The following ALPK1 variants were observed in gnomAD, a reference collection of about 807,000 sequenced individuals.
The protein encoded by ALPK1 is alpha kinase 1, also known as alpha-protein kinase 1.
A neutral mutation model predicts 120.6 loss-of-function variants in ALPK1; 110 were observed. That is an observed-to-expected ratio of 0.91 (90% confidence interval 0.78 to 1.07). The LOEUF is 1.07. Ranked by LOEUF, ALPK1 falls within the 50% of genes least tolerant of loss-of-function variation. The pLI, the probability that ALPK1 is intolerant of heterozygous loss-of-function variation, is 0.00. For missense variants in ALPK1, 1,498 were observed against 1,483.9 expected (o/e 1.01, Z -0.16); for synonymous variants, 582 against 560.3 (o/e 1.04, Z -0.55).
intron 4 of ALPK1, chr4:112,411,116 A>G (rs1464537704): frequency 1.3e-5 from 2 of 154,926 alleles, no homozygotes; most frequent in Non-Finnish European, 2.9e-5. Flanking sequence ...GCGTTCTGGA[A>G]GGAACGTCTC....
At chr4:112,322,835 A>G (rs1450657347) in intron 2 of ALPK1, among the ~76,000 whole-genome samples, 1 of 152,240 alleles carries the variant, frequency 6.6e-6, no homozygotes, top group Non-Finnish European at 1.5e-5. Flanking sequence ...TAAATAAAAT[A>G]GATAAGGTAA....
At chr4:112,434,094 G>A (rs938325542) in intron 11 of ALPK1, among the ~76,000 whole-genome samples, 1 of 152,158 alleles carries the variant, frequency 6.6e-6, no homozygotes, top group Admixed American at 6.5e-5. Flanking sequence ...GTGAGATTCT[G>A]CAATTTTGGA....
At chr4:112,410,616 A>T (rs1733411308) in intron 4 of ALPK1, among the ~76,000 whole-genome samples, 1 of 152,208 alleles carries the variant, frequency 6.6e-6, no homozygotes, top group Non-Finnish European at 1.5e-5. Flanking sequence ...AGCACTCAGC[A>T]TGATTTAGTT....
Position 112,431,685 on chromosome 4 carries a change from C to T in ALPK1, c.2138C>T (p.Ser713Phe), listed in dbSNP as rs1186089017. Residue 713 changes from serine to phenylalanine, a missense_variant, in exon 11 of 16, where the codon TCC (serine) becomes TTC (phenylalanine). Physicochemically the swap from Ser to Phe is radical, Grantham distance 155. Transcript: ENST00000650871. ...GGACCCAGAAATACTTCTGCTCACT[C>T]CAGACCCTCATATCGTTCTGCTTCT... ...NMGPRNTSAH[S>F]RPSYRSASWS... The T allele has an allele frequency of 6.2e-7, 1 of 1,614,222 alleles. No homozygotes were observed.
intron 4 of ALPK1, among the ~76,000 whole-genome samples, chr4:112,387,746 G>A (rs1444551063): frequency 6.6e-6 from 1 of 152,194 alleles, no homozygotes; most frequent in Non-Finnish European, 1.5e-5. Context: ...CCCTGTGGAT[G>A]AATAAAGTTT....
rs1018026539 is a variant in ALPK1, at chr4:112,411,678, T to C, written c.277-149T>C. 48 of 695,780 alleles carry C rather than the reference T, an allele frequency of 6.9e-5. No individual in the cohort carries two copies. The African/African-American group carries it at 8.1e-4, about 12-fold the overall frequency. The allele number at this position is 695,780 out of a possible 1,614,324, so 43.1% of individuals were successfully genotyped here. A position where few individuals can be genotyped will look rare whatever the true frequency, so the allele number is the denominator to read the frequency against. ...AATTGAACTGGACTTTTCTATTTTC[T>C]TTCTTTCGGTTCAGCTGCCTAACAA... is the stretch of plus-strand genomic sequence containing the variant. On this transcript the variant is annotated intron_variant, in intron 4 of 15. Coordinates refer to ENST00000650871, the MANE Select transcript of ALPK1 (RefSeq NM_025144.4).
rs1335523505 is a variant in ALPK1, at chr4:112,430,977, A to T, written c.1430A>T (p.Asn477Ile). 5 of 1,613,792 alleles carry T rather than the reference A, an allele frequency of 3.1e-6. No homozygotes were observed. Among genetic ancestry groups the T allele is most frequent in the Non-Finnish European group, 4.2e-6 (5 of 1,179,760 alleles). Residue 477 changes from asparagine to isoleucine, a missense_variant, in exon 11 of 16, where the codon AAC becomes ATC. Coordinates refer to ENST00000650871, the MANE Select transcript of ALPK1 (RefSeq NM_025144.4). ...CEVFESDCGN[N>I]KNEQKDAKTG... ...GTATTTGAAAGTGATTGTGGAAACA[A>T]CAAAAATGAACAGAAAGATGCAAAA...
In ALPK1 at chr4:112,359,551, C is replaced by T. The variant is rs573645155; in HGVS notation, c.-100-18127C>T. 4.1e-5 allele frequency: 10 copies of T among 246,514 alleles called. 1 individual carries two copies. Among genetic ancestry groups the T allele is most frequent in the African/African-American group, 1.1e-4 (5 of 43,912 alleles). 15.3% of individuals were successfully genotyped at this position (246,514 alleles called of 1,614,324 possible). ...GGACCCCAAGAGGAGAGCCTTGCCA[C>T]GCCTCCTATGCTCACCCACGGGGCT... On this transcript the variant is annotated intron_variant, in intron 2 of 15. Coordinates refer to ENST00000650871, the MANE Select transcript of ALPK1 (RefSeq NM_025144.4).
chr4:112,394,948 A>G (rs1352786129), intron 4 of ALPK1, among the ~76,000 whole-genome samples: 2 of 152,230 alleles, frequency 1.3e-5, no homozygotes, highest in African/African-American at 4.8e-5. Flanking sequence ...GGCAGCAGAT[A>G]AGAAAAACAT....
chr4:112,324,464 GTTTGT>G (rs780738279), intron 2 of ALPK1, among the ~76,000 whole-genome samples: 302 of 151,880 alleles, frequency 2.0e-3, no homozygotes, highest in South Asian at 2.5e-3. Flanking sequence ...TTGTTTGTTT[GTTTGT>G]TTTGTTTTGT....
intron 2 of ALPK1, among the ~76,000 whole-genome samples, chr4:112,349,556 C>CA (rs568327602): frequency 6.3e-5 from 9 of 142,618 alleles, no homozygotes; most frequent in African/African-American, 1.6e-4. Flanking sequence ...CCCCTGCCCC[C>CA]CCCCGCTTTA....
intron 2 of ALPK1, among the ~76,000 whole-genome samples, chr4:112,322,913 A>G (rs1728922180): frequency 6.6e-6 from 1 of 152,242 alleles, no homozygotes; most frequent in African/African-American, 2.4e-5. Context: ...GCAATAAAGT[A>G]CTTTGCCAAT....
At chr4:112,357,377 G>A in intron 2 of ALPK1, 1 of 703,356 alleles carries the variant, frequency 1.4e-6, no homozygotes, top group South Asian at 1.7e-5. Flanking sequence ...AGGGCTGGGG[G>A]CCTATAAAGT....
chr4:112,297,562 G>A (rs1407768233), intron 1 of ALPK1, 93 bp downstream of exon 1: 1 of 150,586 alleles, frequency 6.6e-6, no homozygotes, highest in Non-Finnish European at 1.5e-5. Context: ...TCCATCTGCT[G>A]ATCTTGTTTA....
intron 4 of ALPK1, among the ~76,000 whole-genome samples, chr4:112,410,240 T>C (rs10012165): frequency 0.14 from 21,485 of 151,990 alleles, 1,745 homozygotes; most frequent in South Asian, 0.32. Flanking sequence ...CCATCCGGTT[T>C]CCTAACATAG....
intron 5 of ALPK1, among the ~76,000 whole-genome samples, 182 bp downstream of exon 5, chr4:112,412,207 G>A (rs1397313556): frequency 6.6e-6 from 1 of 152,108 alleles, no homozygotes. Context: ...CAGCACAAAG[G>A]CCCTGGCATA....
intron 4 of ALPK1, among the ~76,000 whole-genome samples, chr4:112,395,872 A>G (rs1732627548): frequency 6.6e-6 from 1 of 152,184 alleles, no homozygotes; most frequent in South Asian, 2.1e-4. Context: ...ATTTCAATCC[A>G]TCTACCAATT....
intron 3 of ALPK1, among the ~76,000 whole-genome samples, chr4:112,378,305 A>G (rs1316618657): frequency 6.6e-6 from 1 of 152,222 alleles, no homozygotes; most frequent in East Asian, 1.9e-4. Context: ...TAGGGTTTCC[A>G]TAAATACGTC....
chr4:112,439,390 C>T (rs940649322), intron 13 of ALPK1, among the ~76,000 whole-genome samples: 1 of 152,150 alleles, frequency 6.6e-6, no homozygotes, highest in Non-Finnish European at 1.5e-5. Context: ...AACCTAGCCT[C>T]CAGGACAGGT....
Sources: gnomAD v4.1 joint callset for allele counts (sites outside exome capture counted in the v4.1 genomes callset) on GRCh38, gnomAD v4.1.1 for gene constraint, MANE v1.5 for transcripts, NCBI Gene and HGNC (gene_info 2026-07-23, HGNC 2026-07-21) for gene names.